STEEP1: variants seen among roughly 807,000 people sequenced by gnomAD.
STEEP1 encodes STING1 ER exit protein 1.
A neutral mutation model predicts 19.2 loss-of-function variants in STEEP1; 3 were observed. That is an observed-to-expected ratio of 0.16 (90% CI 0.07 to 0.40). The LOEUF is 0.40. Ranked by LOEUF, STEEP1 falls within the 10% of genes least tolerant of loss-of-function variation. STEEP1 has a pLI of 0.99. For missense variants in STEEP1, 54 were observed against 177.1 expected, an observed-to-expected ratio of 0.30 and a Z score of 3.94; for synonymous variants, 46 against 63.7, an observed-to-expected ratio of 0.72 and a Z score of 1.32.
Position 119,560,251 on chromosome X carries a change from G to A in STEEP1, c.242+17C>T, listed in dbSNP as rs1350540679. ...ACACAATAGGGAAATCCTAAACAGG[G>A]AGCATCAACCTCTTACCTCCGCAGA... On this transcript the variant is annotated intron_variant, in intron 2 of 6. Coordinates refer to ENST00000644802, the MANE Select transcript of STEEP1 (RefSeq NM_022101.4). The A allele has an allele frequency of 1.9e-6, 2 of 1,068,665 alleles. No homozygotes were observed. The highest frequency in any genetic ancestry group is 4.4e-5 in the Admixed American group (2 of 45,635). The allele number at this position is 1,068,665 out of a possible 1,213,427, so 88.1% of individuals were successfully genotyped here.
At chrX:119,560,928 C>T (rs765086605) in intron 1 of STEEP1, among the ~76,000 whole-genome samples, 3 of 106,655 alleles carry the variant, frequency 2.8e-5, no homozygotes, top group Non-Finnish European at 3.8e-5. Flanking sequence ...GAGTGCAATG[C>T]TGTAGTGTTC....
chrX:119,541,099 C>T (rs143051160), intron 6 of STEEP1, among the ~76,000 whole-genome samples: 2,003 of 111,399 alleles, frequency 0.018, 30 homozygotes, highest in Middle Eastern at 0.037. Context: ...AAAATATCAT[C>T]CTAGTTAGGG....
intron 1 of STEEP1, among the ~76,000 whole-genome samples, chrX:119,561,894 G>C (rs1485003752): frequency 9.0e-6 from 1 of 111,629 alleles, no homozygotes; most frequent in East Asian, 2.8e-4. Flanking sequence ...AAGGAACTGA[G>C]GTTAAAAAGG....
intron 2 of STEEP1, among the ~76,000 whole-genome samples, chrX:119,546,135 T>G (rs1381315321): frequency 9.1e-6 from 1 of 110,121 alleles, no homozygotes; most frequent in East Asian, 2.9e-4. Context: ...CAAGAGCTAT[T>G]CTAAAGTATA....
At chrX:119,564,725 G>C (rs553747405) in intron 1 of STEEP1, among the ~76,000 whole-genome samples, 54 of 111,470 alleles carry the variant, frequency 4.8e-4, no homozygotes, top group African/African-American at 1.6e-3. Context: ...GTGAGGTCAG[G>C]AGAGAATTAG....
chrX:119,545,128 C>G (rs112264917), intron 3 of STEEP1, among the ~76,000 whole-genome samples: 1,143 of 108,154 alleles, frequency 0.011, 11 homozygotes, highest in Non-Finnish European at 0.016. Context: ...CTGAGGTGGG[C>G]GGATGAACTC....
intron 2 of STEEP1, among the ~76,000 whole-genome samples, chrX:119,552,634 T>C (rs28848031): frequency 9.0e-6 from 1 of 111,690 alleles, no homozygotes; most frequent in East Asian, 2.8e-4. Context: ...ATGGAAGCTT[T>C]GTTACAGAGG....
chrX:119,542,414 T>G lies in STEEP1; in HGVS notation c.513+91A>C, dbSNP rs750998822. The G allele has an allele frequency of 9.1e-5, 57 of 625,379 alleles. No homozygotes were observed. The African/African-American group carries it at 1.1e-3, about 12-fold the overall frequency. 51.5% of individuals were successfully genotyped at this position (625,379 alleles called of 1,213,427 possible). A position where few individuals can be genotyped will look rare whatever the true frequency, so the allele number is the denominator to read the frequency against. ...GGGTCTAAAAGTGAAGTCTCTAATA[T>G]TTCCACTACTCCAAGGCTCCCGCTC... On this transcript the variant is annotated intron_variant, in intron 5 of 6. Transcript: ENST00000644802.
intron 2 of STEEP1, among the ~76,000 whole-genome samples, chrX:119,548,257 A>G (rs1364572830): frequency 9.1e-6 from 1 of 109,756 alleles, no homozygotes; most frequent in African/African-American, 3.3e-5. Context: ...AGACAAGGCT[A>G]GGTGCAGTGG....
rs753693981 is a variant in STEEP1, at chrX:119,545,853, AT to A, written c.243-350del. On this transcript the variant is annotated intron_variant, in intron 2 of 6. Transcript: ENST00000644802. ...GGTTGCGGTGAGCCGAGAGCGAGCC[AT>A]TGCACTCCAGCCTGGGCAACAAGAG... 4.2e-3 allele frequency among the ~76,000 whole-genome samples: 434 copies of A among 103,723 alleles called. 3 individuals carry two copies. Among genetic ancestry groups the A allele is most frequent in the African/African-American group, 0.015 (411 of 27,952 alleles). The allele number at this position is 103,723 out of a possible 115,157, so 90.1% of individuals were successfully genotyped here.
intron 2 of STEEP1, among the ~76,000 whole-genome samples, chrX:119,558,820 T>C: frequency 9.0e-6 from 1 of 110,907 alleles, no homozygotes; most frequent in South Asian, 3.7e-4. Flanking sequence ...CCTATCTGCT[T>C]GCTCCACACT....
At chrX:119,549,669 G>A (rs1315983867) in intron 2 of STEEP1, among the ~76,000 whole-genome samples, 1 of 111,997 alleles carries the variant, frequency 8.9e-6, no homozygotes, top group African/African-American at 3.2e-5. Context: ...CTCCGGCATT[G>A]GGCAAGGGCC....
chrX:119,553,775 A>G (rs2053260142), intron 2 of STEEP1, among the ~76,000 whole-genome samples: 1 of 112,037 alleles, frequency 8.9e-6, no homozygotes, highest in Non-Finnish European at 1.9e-5. Context: ...CGTAAGTTCA[A>G]GCTTTCAAAA....
At chrX:119,546,724 G>C (rs1223887652) in intron 2 of STEEP1, among the ~76,000 whole-genome samples, 1 of 111,082 alleles carries the variant, frequency 9.0e-6, no homozygotes, top group Non-Finnish European at 1.9e-5. Context: ...ACTCATCCTT[G>C]ATTCTTCTCT....
intron 4 of STEEP1, 166 bp from the exon 5 acceptor site, chrX:119,542,760 A>G: frequency 3.0e-6 from 1 of 334,538 alleles, no homozygotes; most frequent in South Asian, 9.6e-5. Flanking sequence ...TTATTTACAT[A>G]TTTTTCTAAC....
At chrX:119,550,842 T>C (rs150491702) in intron 2 of STEEP1, among the ~76,000 whole-genome samples, 1,727 of 110,765 alleles carry the variant, frequency 0.016, 16 homozygotes, top group Middle Eastern at 0.06. Context: ...TTTGTGTTTT[T>C]AGTAGACATG....
chrX:119,557,478 CAAAAA>C (rs55913451), intron 2 of STEEP1, among the ~76,000 whole-genome samples: 50 of 68,946 alleles, frequency 7.3e-4, no homozygotes, highest in Non-Finnish European at 8.8e-4. Flanking sequence ...CACACCATCT[CAAAAA>C]AAAAAAAAAA....
intron 1 of STEEP1, among the ~76,000 whole-genome samples, chrX:119,562,786 T>C (rs759531397): frequency 2.7e-5 from 3 of 110,981 alleles, no homozygotes; most frequent in Non-Finnish European, 3.8e-5. Flanking sequence ...TGGGTAATGA[T>C]AAGTGCTAAA....
chrX:119,539,571 C>A lies in STEEP1; in HGVS notation c.*156G>T. ...AAAAAGAAAGCAAGTTAAATGGACT[C>A]AGTTAAAGACCTCACTGAATGTAGG... On this transcript the variant is annotated 3_prime_UTR_variant, in exon 7 of 7. Coordinates refer to ENST00000644802, the MANE Select transcript of STEEP1 (RefSeq NM_022101.4). 1 of 389,946 alleles carries A rather than the reference C, an allele frequency of 2.6e-6. No individual in the cohort carries two copies. 32.1% of individuals were successfully genotyped at this position (389,946 alleles called of 1,213,427 possible).
Sources: gnomAD v4.1 joint callset for allele counts (sites outside exome capture counted in the v4.1 genomes callset) on GRCh38, gnomAD v4.1.1 for gene constraint, MANE v1.5 for transcripts, NCBI Gene and HGNC (gene_info 2026-07-23, HGNC 2026-07-21) for gene names.